SLC25A21: variants seen among roughly 807,000 people sequenced by gnomAD.
The protein encoded by SLC25A21 is mitochondrial 2-oxodicarboxylate carrier.
SLC25A21 carries 47 observed loss-of-function variants against 43.8 expected under a neutral mutation model. The ratio of observed to expected loss-of-function variants is 1.07; its 90% CI spans 0.85 to 1.37. The LOEUF (loss-of-function observed/expected upper bound fraction) is 1.37. Among genes scored for constraint, SLC25A21 ranks in the 40% most tolerant of loss-of-function variants. The probability of loss-of-function intolerance (pLI) is 0.00; values close to 1 mark genes in which losing one functional copy is unlikely to be tolerated. For missense variants in SLC25A21, 352 were observed against 350.2 expected (o/e 1.00, Z -0.04); for synonymous variants, 131 against 121.3 (o/e 1.08, Z -0.52).
Position 37,172,400 on chromosome 14 carries a change from T to TCGCAGCCTG in SLC25A21, c.-59_-51dup. On this transcript the variant is annotated 5_prime_UTR_variant, in exon 1 of 10. Transcript: ENST00000331299. ...AGTGGGCTGAGATGCGTCAACGAGC[T>TCGCAGCCTG]CGCAGCCTGCACAGCCTACTGATCC... 1 of 1,541,718 alleles carries TCGCAGCCTG rather than the reference T, an allele frequency of 6.5e-7. No individual in the cohort carries two copies. The highest frequency in any genetic ancestry group is 8.8e-7 in the Non-Finnish European group (1 of 1,134,752).
At chr14:37,025,420 T>C (rs898488421) in intron 1 of SLC25A21, among the ~76,000 whole-genome samples, 1 of 152,144 alleles carries the variant, frequency 6.6e-6, no homozygotes, top group Admixed American at 6.6e-5. Context: ...TTGATGGTCA[T>C]GACAGAAGCA....
intron 1 of SLC25A21, among the ~76,000 whole-genome samples, chr14:37,162,111 T>C (rs1566923645): frequency 2.0e-5 from 3 of 152,032 alleles, no homozygotes; most frequent in African/African-American, 7.2e-5. Context: ...TGCCAGAAGC[T>C]AGGAGAGAGG....
intron 1 of SLC25A21, among the ~76,000 whole-genome samples, chr14:36,941,884 A>C (rs1050718156): frequency 6.6e-6 from 1 of 151,920 alleles, no homozygotes; most frequent in Non-Finnish European, 1.5e-5. Context: ...GTTTAAATAA[A>C]TTTTTTTTAA....
chr14:37,168,396 C>G (rs1251473119), intron 1 of SLC25A21, among the ~76,000 whole-genome samples: 1 of 152,130 alleles, frequency 6.6e-6, no homozygotes, highest in Admixed American at 6.5e-5. Context: ...GCATCAATCT[C>G]TTCAGTATTT....
intron 1 of SLC25A21, among the ~76,000 whole-genome samples, chr14:36,942,007 CA>C: frequency 6.6e-6 from 1 of 151,858 alleles, no homozygotes; most frequent in Non-Finnish European, 1.5e-5. Flanking sequence ...CCTAAAATAA[CA>C]AAACTGGTAA....
chr14:36,754,736 A>AG (rs1885859861), intron 3 of SLC25A21, among the ~76,000 whole-genome samples: 1 of 29,548 alleles, frequency 3.4e-5, no homozygotes, highest in African/African-American at 8.8e-4. Context: ...CCCAAAAGAG[A>AG]AAAAAAAAGA....
intron 3 of SLC25A21, among the ~76,000 whole-genome samples, chr14:36,741,038 G>T (rs372217221): frequency 6.6e-6 from 1 of 152,114 alleles, no homozygotes; most frequent in Admixed American, 6.5e-5. Flanking sequence ...TTAACATTCT[G>T]AAAATTTGAC....
At chr14:36,681,448 AG>A (rs1297917658) in intron 9 of SLC25A21, among the ~76,000 whole-genome samples, 1 of 152,242 alleles carries the variant, frequency 6.6e-6, no homozygotes, top group Non-Finnish European at 1.5e-5. Flanking sequence ...ACAGAAAAGC[AG>A]GCACTGAGGC....
intron 1 of SLC25A21, among the ~76,000 whole-genome samples, chr14:37,073,231 T>C (rs1956425): frequency 0.49 from 74,062 of 152,148 alleles, 21,101 homozygotes; most frequent in African/African-American, 0.8. Flanking sequence ...GAATATTGTA[T>C]AGACCTTGTT....
chr14:37,155,877 G>C (rs1728422778), intron 1 of SLC25A21, among the ~76,000 whole-genome samples: 1 of 152,100 alleles, frequency 6.6e-6, no homozygotes, highest in Admixed American at 6.6e-5. Flanking sequence ...CACAAAAGTA[G>C]CCCAGCCCTG....
At chr14:37,118,295 C>A (rs1007575303) in intron 1 of SLC25A21, among the ~76,000 whole-genome samples, 2 of 151,982 alleles carry the variant, frequency 1.3e-5, no homozygotes, top group Non-Finnish European at 2.9e-5. Flanking sequence ...GTCCTGTGGC[C>A]CCACCTAGAA....
At chr14:36,709,838 C>G (rs1330328204) in intron 7 of SLC25A21, among the ~76,000 whole-genome samples, 2 of 152,018 alleles carry the variant, frequency 1.3e-5, no homozygotes, top group African/African-American at 4.8e-5. Context: ...CCCTTCAATA[C>G]TTTTCTACTA....
At chr14:36,771,218 T>C (rs1886606154) in intron 3 of SLC25A21, among the ~76,000 whole-genome samples, 1 of 152,232 alleles carries the variant, frequency 6.6e-6, no homozygotes, top group Non-Finnish European at 1.5e-5. Flanking sequence ...ATATTTCCTT[T>C]AATTTGTAAA....
chr14:37,125,121 A>G (rs1329383034), intron 1 of SLC25A21, among the ~76,000 whole-genome samples: 2 of 152,248 alleles, frequency 1.3e-5, no homozygotes, highest in African/African-American at 2.4e-5. Flanking sequence ...CCAAGGCTCT[A>G]GTCCTGGTTA....
chr14:37,049,255 G>T (rs561436792), intron 1 of SLC25A21, among the ~76,000 whole-genome samples: 65 of 151,998 alleles, frequency 4.3e-4, no homozygotes, highest in Non-Finnish European at 7.1e-4. Context: ...AAAATAAAAT[G>T]AACAAAAAAG....
At chr14:36,828,544 C>T (rs1280706530) in intron 2 of SLC25A21, 2 of 152,224 alleles carry the variant, frequency 1.3e-5, no homozygotes, top group Non-Finnish European at 2.9e-5. Flanking sequence ...CTAAATCGCA[C>T]ACTGAGGAAA....
At chr14:36,721,367 T>C (rs2139205422) in intron 6 of SLC25A21, among the ~76,000 whole-genome samples, 1 of 152,312 alleles carries the variant, frequency 6.6e-6, no homozygotes, top group South Asian at 2.1e-4. Context: ...GTAGGAAATG[T>C]GAGGCTGTCA....
At chr14:36,820,427 C>T (rs1652249) in intron 2 of SLC25A21, among the ~76,000 whole-genome samples, 103,835 of 152,036 alleles carry the variant, frequency 0.68, 35,893 homozygotes, top group South Asian at 0.83. Context: ...CTTTTTCCCC[C>T]TTCACTGGCA....
At chr14:36,873,019 T>C (rs1890418551) in intron 2 of SLC25A21, among the ~76,000 whole-genome samples, 1 of 152,208 alleles carries the variant, frequency 6.6e-6, no homozygotes, top group Non-Finnish European at 1.5e-5. Context: ...ATAATTCTAA[T>C]ATTGTGTCTT....
Sources: allele counts gnomAD v4.1 joint callset (sites outside exome capture counted in the v4.1 genomes callset), GRCh38; gene constraint gnomAD v4.1.1; transcripts MANE v1.5; gene names NCBI Gene and HGNC (gene_info 2026-07-23, HGNC 2026-07-21).